TBXAS1: variants seen among roughly 807,000 people sequenced by gnomAD.
TBXAS1 encodes the protein thromboxane A synthase 1.
In TBXAS1, 48 loss-of-function variants were observed where a neutral mutation model predicts 60.7. The observed-to-expected ratio is 0.79, with a 90% CI of 0.63 to 1.01. The LOEUF is 1.01. Ranked by LOEUF, TBXAS1 falls within the 50% of genes least tolerant of loss-of-function variation. The probability of loss-of-function intolerance (pLI) is 0.00; values close to 1 mark genes in which losing one functional copy is unlikely to be tolerated. For missense variants in TBXAS1, 685 were observed against 686.3 expected (o/e 1.00, Z 0.02); for synonymous variants, 287 against 269.7 (o/e 1.06, Z -0.63).
intron 3 of TBXAS1, among the ~76,000 whole-genome samples, chr7:139,903,985 T>C (rs746095404): frequency 6.6e-6 from 1 of 152,124 alleles, no homozygotes; most frequent in Non-Finnish European, 1.5e-5. Context: ...TCTTTGTTTT[T>C]GTTGCATTTG....
At chr7:139,898,585 A>G (rs1045500557) in intron 3 of TBXAS1, among the ~76,000 whole-genome samples, 2 of 152,052 alleles carry the variant, frequency 1.3e-5, no homozygotes, top group African/African-American at 2.4e-5. Context: ...TGCTGGGATT[A>G]CAGGCGTGAG....
At chr7:140,014,002 G>A (rs971199677) in intron 10 of TBXAS1, among the ~76,000 whole-genome samples, 2 of 152,160 alleles carry the variant, frequency 1.3e-5, no homozygotes, top group African/African-American at 4.8e-5. Flanking sequence ...CCTCAGCTCT[G>A]GGGCCATACA....
intron 10 of TBXAS1, among the ~76,000 whole-genome samples, chr7:140,012,375 A>G (rs1023240256): frequency 1.3e-5 from 2 of 152,132 alleles, no homozygotes; most frequent in East Asian, 3.9e-4. Flanking sequence ...CAGGGAGGTG[A>G]TAAAGAGAAG....
intron 1 of TBXAS1, among the ~76,000 whole-genome samples, chr7:139,779,006 A>G (rs1452251933): frequency 3.9e-5 from 6 of 152,210 alleles, no homozygotes; most frequent in African/African-American, 9.7e-5. Context: ...ATGGAATCCA[A>G]TAGAAAATAT....
intron 3 of TBXAS1, among the ~76,000 whole-genome samples, chr7:139,886,210 A>G (rs1242175145): frequency 1.3e-5 from 2 of 152,050 alleles, no homozygotes; most frequent in African/African-American, 4.8e-5. Flanking sequence ...CCGTGCTCCT[A>G]ACAACCTCTC....
chr7:139,819,849 TG>T (rs1038005589), intron 4 of TBXAS1, among the ~76,000 whole-genome samples: 8 of 151,872 alleles, frequency 5.3e-5, no homozygotes, highest in African/African-American at 1.9e-4. Flanking sequence ...AGGTGGAGAT[TG>T]GGGCCCTACC....
At chr7:139,933,261 A>C (rs1807479919) in intron 4 of TBXAS1, among the ~76,000 whole-genome samples, 1 of 152,158 alleles carries the variant, frequency 6.6e-6, no homozygotes, top group South Asian at 2.1e-4. Flanking sequence ...GTGCAAGACA[A>C]AAAATAGTGT....
At chr7:140,005,047 T>C (rs1813961668) in intron 9 of TBXAS1, among the ~76,000 whole-genome samples, 1 of 151,906 alleles carries the variant, frequency 6.6e-6, no homozygotes, top group Admixed American at 6.6e-5. Context: ...GGAAGCCAGG[T>C]GGAGAGCACA....
intron 9 of TBXAS1, among the ~76,000 whole-genome samples, chr7:139,965,497 C>T (rs1258572584): frequency 6.6e-6 from 1 of 152,016 alleles, no homozygotes; most frequent in Non-Finnish European, 1.5e-5. Context: ...TGCAGTGGCA[C>T]AATCTTGGCT....
chr7:139,817,471 A>C (rs1798180198), intron 4 of TBXAS1, among the ~76,000 whole-genome samples: 1 of 152,144 alleles, frequency 6.6e-6, no homozygotes, highest in Admixed American at 6.5e-5. Flanking sequence ...ATCCTGCTTC[A>C]TGAATCTTGT....
chr7:139,786,348 A>G (rs909100300), intron 3 of TBXAS1, among the ~76,000 whole-genome samples: 1 of 152,080 alleles, frequency 6.6e-6, no homozygotes, highest in Non-Finnish European at 1.5e-5. Flanking sequence ...TCTGTACTGA[A>G]TCCATGAGAA....
intron 9 of TBXAS1, among the ~76,000 whole-genome samples, chr7:139,973,555 CTT>C (rs8192843): frequency 5.0e-4 from 69 of 137,468 alleles, no homozygotes; most frequent in Admixed American, 6.4e-4. Flanking sequence ...GGTGAGCTTT[CTT>C]TTTTTTTTTT....
chr7:139,931,344 C>T (rs1202195860), intron 4 of TBXAS1, among the ~76,000 whole-genome samples: 1 of 152,128 alleles, frequency 6.6e-6, no homozygotes, highest in Non-Finnish European at 1.5e-5. Flanking sequence ...ACAGGAGCCT[C>T]GAAAGCTGTG....
chr7:139,826,123 A>G (rs928028441), upstream of TBXAS1, among the ~76,000 whole-genome samples: 1 of 152,000 alleles, frequency 6.6e-6, no homozygotes, highest in African/African-American at 2.4e-5. Flanking sequence ...GTCACCCTCC[A>G]TGCCACCCCC....
chr7:139,986,207 GC>G (rs768146752), intron 9 of TBXAS1, among the ~76,000 whole-genome samples: 2 of 152,142 alleles, frequency 1.3e-5, no homozygotes, highest in Non-Finnish European at 2.9e-5. Context: ...CATGGGCCAC[GC>G]TTTTTGCTGA....
chr7:140,014,714 G>A (rs1182849739), intron 10 of TBXAS1, among the ~76,000 whole-genome samples: 1 of 151,800 alleles, frequency 6.6e-6, no homozygotes, highest in Non-Finnish European at 1.5e-5. Flanking sequence ...TTCGAGACCA[G>A]CCTGACCAAC....
intron 2 of TBXAS1, among the ~76,000 whole-genome samples, chr7:139,781,683 A>C (rs1290253280): frequency 6.6e-6 from 1 of 151,976 alleles, no homozygotes; most frequent in Non-Finnish European, 1.5e-5. Context: ...AACACAAAAA[A>C]AATTAGCCAG....
chr7:139,912,473 T>C (rs775434905), intron 4 of TBXAS1, among the ~76,000 whole-genome samples: 12 of 152,330 alleles, frequency 7.9e-5, no homozygotes, highest in Non-Finnish European at 1.5e-4. Flanking sequence ...TCACTTTTCA[T>C]TCTTTTAGGG....
intron 9 of TBXAS1, among the ~76,000 whole-genome samples, chr7:139,991,064 G>A (rs376171524): frequency 6.6e-6 from 1 of 152,198 alleles, no homozygotes. Context: ...CGATCTATGG[G>A]CTGAAACGTG....
Sources: gnomAD v4.1 joint callset for allele counts (sites outside exome capture counted in the v4.1 genomes callset) on GRCh38, gnomAD v4.1.1 for gene constraint, MANE v1.5 for transcripts, NCBI Gene and HGNC (gene_info 2026-07-23, HGNC 2026-07-21) for gene names.